The following RERE variants were observed in gnomAD, a reference collection of about 807,000 sequenced individuals.
RERE encodes the protein arginine-glutamic acid dipeptide repeats protein.
Under a neutral mutation model 146.1 loss-of-function variants are expected in RERE, and 40 were observed. The ratio of observed to expected loss-of-function variants is 0.27; its 90% CI spans 0.21 to 0.36. The LOEUF (loss-of-function observed/expected upper bound fraction) is 0.36. RERE is among the 10% of genes least tolerant of loss of function. The pLI is 1.00. For missense variants in RERE, 1,933 were observed against 2,138.7 expected (o/e 0.90, Z 1.90); for synonymous variants, 1,003 against 866.0 (o/e 1.16, Z -2.78).
intron 11 of RERE, among the ~76,000 whole-genome samples, chr1:8,447,446 T>A (rs866035646): frequency 5.3e-5 from 8 of 152,184 alleles, no homozygotes; most frequent in African/African-American, 7.2e-5. Flanking sequence ...CTACCTTTGG[T>A]CTTTGATGTT....
At chr1:8,664,961 G>A (rs992072193) in intron 1 of RERE, among the ~76,000 whole-genome samples, 2 of 152,094 alleles carry the variant, frequency 1.3e-5, no homozygotes, top group African/African-American at 4.8e-5. Context: ...CTTCACTTTG[G>A]TACATTAAAA....
Position 8,586,313 on chromosome 1 carries a change from G to A in RERE, c.522+28248C>T, listed in dbSNP as rs79936003. Among the ~76,000 whole-genome samples, 3 of 152,340 alleles carry A rather than the reference G, an allele frequency of 2.0e-5. No individual in the cohort carries two copies. The East Asian group carries it at 5.8e-4, about 29-fold the overall frequency. ...AATATAATTACTGTATATCAAGATA[G>A]TGATGAATTCCTTAGGGAAAGAAGG... On this transcript the variant is annotated intron_variant, in intron 4 of 22. Coordinates refer to ENST00000400908, the MANE Select transcript of RERE (RefSeq NM_001042681.2).
At chr1:8,553,295 CACT>C (rs1178244999) in intron 6 of RERE, among the ~76,000 whole-genome samples, 4 of 152,094 alleles carry the variant, frequency 2.6e-5, no homozygotes, top group Non-Finnish European at 4.4e-5. Flanking sequence ...CGTGACACTA[CACT>C]ACTAGGCCGG....
intron 1 of RERE, among the ~76,000 whole-genome samples, chr1:8,673,378 G>A (rs1638765137): frequency 6.6e-6 from 1 of 152,210 alleles, no homozygotes. Flanking sequence ...TTACAGGCGT[G>A]AGCCACTGTG....
At chr1:8,369,508 TAAAAAAA>T (rs1186718390) in intron 12 of RERE, among the ~76,000 whole-genome samples, 10 of 76,902 alleles carry the variant, frequency 1.3e-4, no homozygotes, top group Non-Finnish European at 1.8e-4. Context: ...CGCCTTTTAC[TAAAAAAA>T]AAAAAAAAAA....
chr1:8,481,494 T>C (rs1644833698), intron 10 of RERE, among the ~76,000 whole-genome samples: 1 of 152,208 alleles, frequency 6.6e-6, no homozygotes, highest in South Asian at 2.1e-4. Context: ...TGTATATAAA[T>C]ATTGTGTATA....
chr1:8,418,914 A>G (rs1312796530), intron 12 of RERE, among the ~76,000 whole-genome samples: 3 of 152,124 alleles, frequency 2.0e-5, no homozygotes, highest in Non-Finnish European at 4.4e-5. Flanking sequence ...CTAGTTCTCC[A>G]CTGTCCTCCC....
At chr1:8,724,064 CA>C (rs1639911340) in intron 1 of RERE, among the ~76,000 whole-genome samples, 1 of 152,144 alleles carries the variant, frequency 6.6e-6, no homozygotes, top group Non-Finnish European at 1.5e-5. Flanking sequence ...TAACATCTGA[CA>C]AAAACCAGCT....
rs527972436 is a variant in RERE at position 8,500,984 on chromosome 1, G to T, written c.880-3455C>A. 2.9e-5 allele frequency among the ~76,000 whole-genome samples: 4 copies of T among 136,682 alleles called. No individual in the cohort carries two copies. In the East Asian group the frequency reaches 9.5e-4, roughly 33 times the overall value. The allele number at this position is 136,682 out of a possible 152,430, so 89.7% of individuals were successfully genotyped here. Reference sequence around the variant, plus strand: ...AGCCCCTCCATCCGGCAGCCACCCCGTCTGGGAAGTGAGGAGCGTCTCCGC... The same window carrying T: ...AGCCCCTCCATCCGGCAGCCACCCCTTCTGGGAAGTGAGGAGCGTCTCCGC... On this transcript the variant is annotated intron_variant, in intron 8 of 22. Transcript: ENST00000400908.
intron 1 of RERE, among the ~76,000 whole-genome samples, chr1:8,735,216 G>A (rs921503557): frequency 6.6e-6 from 1 of 152,092 alleles, no homozygotes; most frequent in Non-Finnish European, 1.5e-5. Context: ...TAAAATCTAA[G>A]GACTAGGAGG....
At chr1:8,681,731 TAAACTG>T (rs1366855099) in intron 1 of RERE, among the ~76,000 whole-genome samples, 1 of 152,108 alleles carries the variant, frequency 6.6e-6, no homozygotes, top group African/African-American at 2.4e-5. Context: ...ACAAAGAAAT[TAAACTG>T]AAATAGGTAC....
intron 1 of RERE, among the ~76,000 whole-genome samples, chr1:8,737,708 T>C (rs928192409): frequency 6.6e-6 from 1 of 152,070 alleles, no homozygotes; most frequent in African/African-American, 2.4e-5. Flanking sequence ...AGTGCTAAGA[T>C]AACAGGTGTG....
At chr1:8,537,229 T>C (rs1645737834) in intron 7 of RERE, among the ~76,000 whole-genome samples, 1 of 152,124 alleles carries the variant, frequency 6.6e-6, no homozygotes. Flanking sequence ...ATAAGTTTTG[T>C]TACTTAAATT....
At chr1:8,538,760 A>G (rs1197309299) in intron 7 of RERE, among the ~76,000 whole-genome samples, 1 of 152,240 alleles carries the variant, frequency 6.6e-6, no homozygotes, top group African/African-American at 2.4e-5. Flanking sequence ...AGGGAACACA[A>G]GTGTAGAAGA....
At chr1:8,401,594 T>C (rs1206401256) in intron 12 of RERE, among the ~76,000 whole-genome samples, 1 of 152,002 alleles carries the variant, frequency 6.6e-6, no homozygotes, top group East Asian at 1.9e-4. Context: ...CCCTCATTTC[T>C]ACAAAAAATA....
chr1:8,593,405 T>C (rs1266246235), intron 4 of RERE, among the ~76,000 whole-genome samples: 1 of 152,218 alleles, frequency 6.6e-6, no homozygotes, highest in Non-Finnish European at 1.5e-5. Context: ...TGATAGTGAA[T>C]ACGTCTCATG....
chr1:8,562,921 A>C (rs1646096449), intron 4 of RERE, among the ~76,000 whole-genome samples: 1 of 152,216 alleles, frequency 6.6e-6, no homozygotes. Flanking sequence ...AGAATAGCAA[A>C]GATTTCTACA....
intron 2 of RERE, among the ~76,000 whole-genome samples, chr1:8,624,951 C>T (rs1164252341): frequency 6.6e-6 from 1 of 152,152 alleles, no homozygotes; most frequent in Non-Finnish European, 1.5e-5. Context: ...ACCCTAAACA[C>T]ATTTTATTTT....
intron 6 of RERE, among the ~76,000 whole-genome samples, chr1:8,544,865 C>T (rs530954051): frequency 9.3e-4 from 142 of 152,242 alleles, no homozygotes; most frequent in African/African-American, 3.2e-3. Flanking sequence ...TTGAGCAGAG[C>T]TGAAGAAAGG....
Sources: gnomAD v4.1 joint callset for allele counts (sites outside exome capture counted in the v4.1 genomes callset) on GRCh38, gnomAD v4.1.1 for gene constraint, MANE v1.5 for transcripts, NCBI Gene and HGNC (gene_info 2026-07-23, HGNC 2026-07-21) for gene names.